ZNF638: variants seen among roughly 807,000 people sequenced by gnomAD.
ZNF638 encodes the protein zinc finger protein 638, also known as CTCL tumor antigen se33-1.
ZNF638 carries 46 observed loss-of-function variants against 195.6 expected under a neutral mutation model. The observed-to-expected ratio is 0.24, with a 90% confidence interval of 0.19 to 0.30. The LOEUF (loss-of-function observed/expected upper bound fraction) is 0.30. Ranked by LOEUF, ZNF638 falls within the 10% of genes least tolerant of loss-of-function variation. The probability of loss-of-function intolerance (pLI) is 1.00; values close to 1 mark genes in which losing one functional copy is unlikely to be tolerated. For missense variants in ZNF638, 2,440 were observed against 2,325.3 expected (o/e 1.05, Z -1.01); for synonymous variants, 845 against 772.0 (o/e 1.09, Z -1.57).
At chr2:71,389,890 G>C (rs780137652) in intron 10 of ZNF638, among the ~76,000 whole-genome samples, 9 of 152,204 alleles carry the variant, frequency 5.9e-5, no homozygotes, top group African/African-American at 9.6e-5. Context: ...GCAGTCAGAG[G>C]AAAGGCAGTT....
chr2:71,395,098 C>T, intron 10 of ZNF638: 1 of 607,582 alleles, frequency 1.6e-6, no homozygotes. Flanking sequence ...ATTCTAGAAT[C>T]CCTAAACGCC....
rs140409804 is a variant in ZNF638, at chr2:71,336,510, A to G, written c.-203+4635A>G. Among the ~76,000 whole-genome samples, 5 of 152,330 alleles carry G rather than the reference A, an allele frequency of 3.3e-5. No homozygotes were observed. The East Asian group carries it at 9.6e-4, about 29-fold the overall frequency. On this transcript the variant is annotated intron_variant, in intron 1 of 27. Coordinates refer to ENST00000264447, the MANE Select transcript of ZNF638 (RefSeq NM_014497.5). ...CTCCTATGTCTAATATAATTTTCAA[A>G]AATTACTCGTCTTACTAAAAGAAAG... is the stretch of plus-strand genomic sequence containing the variant.
At chr2:71,395,717 C>G in intron 10 of ZNF638, 1 of 428,608 alleles carries the variant, frequency 2.3e-6, no homozygotes, top group East Asian at 5.9e-5. Flanking sequence ...TTTGGTGTCT[C>G]TAAGGCCGAA....
intron 10 of ZNF638, among the ~76,000 whole-genome samples, chr2:71,383,832 A>C (rs10165298): frequency 0.9 from 127,324 of 141,160 alleles, 57,497 homozygotes; most frequent in Admixed American, 0.93. Context: ...AAACTCCTAA[A>C]CTTAAGTGAT....
At chr2:71,405,377 A>G (rs964420777) in intron 17 of ZNF638, among the ~76,000 whole-genome samples, 1 of 152,184 alleles carries the variant, frequency 6.6e-6, no homozygotes, top group African/African-American at 2.4e-5. Context: ...TTAGTCTTTT[A>G]TATTCTTAGG....
intron 8 of ZNF638, among the ~76,000 whole-genome samples, chr2:71,373,628 C>T (rs2079361235): frequency 6.7e-6 from 1 of 149,904 alleles, no homozygotes. Flanking sequence ...CCATGTTAGC[C>T]AGGATGGTCT....
chr2:71,381,699 T>C (rs556432675), intron 10 of ZNF638, among the ~76,000 whole-genome samples: 40 of 152,292 alleles, frequency 2.6e-4, no homozygotes, highest in African/African-American at 8.4e-4. Flanking sequence ...GTGTGTGTTA[T>C]AGCTATTTTT....
At position 71,425,464 on chromosome 2, in the gene ZNF638, TGTC is replaced by T. The variant is rs377356052; in HGVS notation, c.4590+752_4590+754del. 2.0e-3 allele frequency among the ~76,000 whole-genome samples: 303 copies of T among 152,320 alleles called. 1 individual carries two copies. Among genetic ancestry groups the T allele is most frequent in the Non-Finnish European group, 3.5e-3 (236 of 68,020 alleles). ...AGAAATTACAGGGTACATATTCTAA[TGTC>T]GTTATTATATATAATAGCAGTTAAT... On this transcript the variant is annotated intron_variant, in intron 23 of 27. Coordinates refer to ENST00000264447, the MANE Select transcript of ZNF638 (RefSeq NM_014497.5).
At chr2:71,352,198 C>T (rs1434034326) in intron 2 of ZNF638, among the ~76,000 whole-genome samples, 5 of 151,894 alleles carry the variant, frequency 3.3e-5, no homozygotes, top group Non-Finnish European at 4.4e-5. Flanking sequence ...AGGAGGGGGC[C>T]GGGCACAGTG....
chr2:71,380,328 C>T, intron 9 of ZNF638, 48 bp downstream of exon 9: 2 of 1,377,384 alleles, frequency 1.5e-6, no homozygotes, highest in Non-Finnish European at 2.0e-6. Context: ...GTGCATATGA[C>T]TTAAGAAATT....
intron 8 of ZNF638, among the ~76,000 whole-genome samples, chr2:71,373,591 C>G (rs2079360095): frequency 6.6e-6 from 1 of 151,448 alleles, no homozygotes; most frequent in Non-Finnish European, 1.5e-5. Flanking sequence ...ACTACAGGTG[C>G]TCGCCACTAA....
At position 71,368,387 on chromosome 2, in the gene ZNF638, G is replaced by A; in HGVS notation, c.2001G>A (p.Arg667=). Reference sequence around the variant, plus strand: ...TTCTTTCACTCCAAAAATAGCTTCGGAAAGAACAGTCATTGCATTATGGTT... The same window carrying A: ...TTCTTTCACTCCAAAAATAGCTTCGAAAAGAACAGTCATTGCATTATGGTT... The part of the protein sequence containing the change: ...DKAVSLQRKL[R]KEQSLHYGSV... Residue 667 remains arginine, a synonymous_variant, in exon 7 of 28, where the codon CGG becomes CGA. Transcript: ENST00000264447. 1 of 1,607,456 alleles carries A rather than the reference G, an allele frequency of 6.2e-7. No individual in the cohort carries two copies.
intron 17 of ZNF638, among the ~76,000 whole-genome samples, chr2:71,404,533 A>G (rs1231308207): frequency 6.6e-6 from 1 of 152,140 alleles, no homozygotes; most frequent in Non-Finnish European, 1.5e-5. Flanking sequence ...CCTGGGCAAC[A>G]AAGTGAGACC....
chr2:71,386,999 C>A (rs1180724756), intron 10 of ZNF638, among the ~76,000 whole-genome samples: 2 of 151,990 alleles, frequency 1.3e-5, no homozygotes, highest in African/African-American at 4.8e-5. Flanking sequence ...AGGCCAGAGA[C>A]ACCTCATCCA....
intron 10 of ZNF638, among the ~76,000 whole-genome samples, chr2:71,390,625 G>A (rs924001808): frequency 1.3e-5 from 2 of 152,148 alleles, no homozygotes; most frequent in Non-Finnish European, 2.9e-5. Context: ...TTGGAAGCAC[G>A]GGAGCCGTAG....
In ZNF638 at chr2:71,431,471, A is replaced by G. The variant is rs1294353134; in HGVS notation, c.5752+43A>G. The stretch of plus-strand genomic sequence containing the variant: ...TTTTTTTCTTACCCATATGAAATTT[A>G]AAAGTCGGCCGGGCGCGGTGGCTCA... On this transcript the variant is annotated intron_variant, in intron 26 of 27. Coordinates refer to ENST00000264447, the MANE Select transcript of ZNF638 (RefSeq NM_014497.5). 4 of 1,589,834 alleles carry G rather than the reference A, an allele frequency of 2.5e-6. No homozygotes were observed. The African/African-American group carries it at 5.4e-5, about 21-fold the overall frequency.
chr2:71,429,590 A>G (rs1251694026), intron 25 of ZNF638, among the ~76,000 whole-genome samples: 6 of 152,150 alleles, frequency 3.9e-5, no homozygotes, highest in Admixed American at 2.6e-4. Context: ...TTGACCTTGA[A>G]ATCTCTCTAG....
intron 10 of ZNF638, chr2:71,395,270 G>A: frequency 1.4e-6 from 1 of 717,308 alleles, no homozygotes; most frequent in Non-Finnish European, 2.6e-6. Context: ...AATACGAGCA[G>A]TAATCGCTAC....
chr2:71,402,539 A>T (rs907246620), intron 16 of ZNF638, among the ~76,000 whole-genome samples: 5 of 152,038 alleles, frequency 3.3e-5, no homozygotes, highest in African/African-American at 1.2e-4. Context: ...TCATTCTTCT[A>T]CTTGTATTTC....
Sources: gnomAD v4.1 joint callset for allele counts (sites outside exome capture counted in the v4.1 genomes callset) on GRCh38, gnomAD v4.1.1 for gene constraint, MANE v1.5 for transcripts, NCBI Gene and HGNC (gene_info 2026-07-23, HGNC 2026-07-21) for gene names.